Variants in ERBIN observed in about 807,000 individuals in gnomAD.
ERBIN encodes the protein densin-180-like protein.
Under a neutral mutation model 158.4 loss-of-function variants are expected in ERBIN, and 60 were observed. The observed-to-expected ratio is 0.38, with a 90% CI of 0.31 to 0.47. The LOEUF is 0.47. Ranked by LOEUF, ERBIN falls within the 20% of genes least tolerant of loss-of-function variation. The pLI is 0.99. For missense variants in ERBIN, 1,610 were observed against 1,648.0 expected, an observed-to-expected ratio of 0.98 and a Z score of 0.40; for synonymous variants, 594 against 557.2, an observed-to-expected ratio of 1.07 and a Z score of -0.93.
At chr5:65,969,282 T>C (rs935231848) in intron 1 of ERBIN, among the ~76,000 whole-genome samples, 2 of 152,350 alleles carry the variant, frequency 1.3e-5, no homozygotes, top group South Asian at 2.1e-4. Context: ...GTTACTCTTA[T>C]GTATCTTCAA....
intron 6 of ERBIN, among the ~76,000 whole-genome samples, 188 bp from the exon 7 acceptor site, chr5:66,014,481 C>T (rs986752450): frequency 6.6e-6 from 1 of 152,150 alleles, no homozygotes; most frequent in African/African-American, 2.4e-5. Context: ...TTCCTCTGAC[C>T]ACAATTTTGA....
At chr5:66,061,975 C>T (rs1223394568) in intron 21 of ERBIN, among the ~76,000 whole-genome samples, 1 of 152,220 alleles carries the variant, frequency 6.6e-6, no homozygotes, top group African/African-American at 2.4e-5. Flanking sequence ...CTGCCCTTAA[C>T]ATTTTTTCCT....
intron 4 of ERBIN, among the ~76,000 whole-genome samples, chr5:66,003,636 G>T (rs986313580): frequency 6.6e-6 from 1 of 152,062 alleles, no homozygotes; most frequent in Non-Finnish European, 1.5e-5. Flanking sequence ...ATGTGTTTTT[G>T]TCTTGATATA....
intron 1 of ERBIN, among the ~76,000 whole-genome samples, chr5:65,932,983 G>A (rs1169009269): frequency 2.0e-5 from 3 of 151,924 alleles, no homozygotes; most frequent in African/African-American, 7.3e-5. Context: ...TGTAGAGATG[G>A]GTTCTTGCTC....
At position 66,043,073 on chromosome 5, in the gene ERBIN, C is replaced by T. The variant is rs2151202337; in HGVS notation, c.1307-4C>T. The stretch of plus-strand genomic sequence containing the variant: ...GTAGGTTTTTGTTTTTTACTTTTCT[C>T]TAGTTATGTTTATATCAGATAATGA... On this transcript the variant is annotated splice_polypyrimidine_tract_variant and splice_region_variant and intron_variant, in intron 15 of 25. Coordinates refer to ENST00000284037, the MANE Select transcript of ERBIN (RefSeq NM_001253697.2). 1 of 1,576,730 alleles carries T rather than the reference C, an allele frequency of 6.3e-7. No homozygotes were observed. Among genetic ancestry groups the T allele is most frequent in the Non-Finnish European group, 8.6e-7 (1 of 1,158,438 alleles).
intron 1 of ERBIN, among the ~76,000 whole-genome samples, chr5:65,965,379 GTTGTTTTTTTTTTTTTTTTTTTTT>G (rs1580182238): frequency 1.1e-4 from 11 of 103,648 alleles, no homozygotes; most frequent in African/African-American, 1.9e-4. Flanking sequence ...TTTGTTTTTT[GTTGTTTTTTTTTTTTTTTTTTTTT>G]TTTTTTTTTT....
In ERBIN at chr5:66,072,296, G is replaced by C. The variant is rs1016673007; in HGVS notation, c.3756+5G>C. On this transcript the variant is annotated splice_donor_5th_base_variant and intron_variant, in intron 22 of 25. Coordinates refer to ENST00000284037, the MANE Select transcript of ERBIN (RefSeq NM_001253697.2). ...CCTCCAGACAGCTTGATGAAAGTGG[G>C]TGCTCGGGAAAACAAAATGTAGTAT... 2 of 1,549,494 alleles carry C rather than the reference G, an allele frequency of 1.3e-6. No individual in the cohort carries two copies. Among genetic ancestry groups the C allele is most frequent in the African/African-American group, 2.7e-5 (2 of 73,000 alleles).
intron 1 of ERBIN, among the ~76,000 whole-genome samples, chr5:65,953,138 T>TA (rs1712229855): frequency 6.6e-6 from 1 of 152,216 alleles, no homozygotes; most frequent in Non-Finnish European, 1.5e-5. Flanking sequence ...CACTGCTCGT[T>TA]ACTACAATTA....
chr5:65,965,026 A>G (rs1748402976), intron 1 of ERBIN, among the ~76,000 whole-genome samples: 1 of 149,124 alleles, frequency 6.7e-6, no homozygotes, highest in African/African-American at 2.5e-5. Context: ...CCTGACCTCA[A>G]GTGATCCTCC....
chr5:65,982,336 ACT>A lies in ERBIN; in HGVS notation c.-57-6294_-57-6293del, dbSNP rs4018978. Among the ~76,000 whole-genome samples the A allele has an allele frequency of 5.1e-3, 783 of 152,098 alleles. 9 individuals carry two copies. Among genetic ancestry groups the A allele is most frequent in the African/African-American group, 0.016 (671 of 41,482 alleles). ...ATCTTTTCTGGGGAGGGGAAGGTGG[ACT>A]CTCTGAATCTTGCTTAGTGTTATTA... On this transcript the variant is annotated intron_variant, in intron 1 of 25. Coordinates refer to ENST00000284037, the MANE Select transcript of ERBIN (RefSeq NM_001253697.2).
intron 21 of ERBIN, among the ~76,000 whole-genome samples, chr5:66,071,779 T>G (rs908674277): frequency 1.3e-5 from 2 of 151,918 alleles, no homozygotes. Flanking sequence ...ATGAGTGTGT[T>G]TTAGTTGGTC....
At chr5:65,927,304 T>G (rs1216876152) in intron 1 of ERBIN, among the ~76,000 whole-genome samples, 1 of 152,206 alleles carries the variant, frequency 6.6e-6, no homozygotes, top group Admixed American at 6.5e-5. Flanking sequence ...TTTTATTTTT[T>G]TATTTCCAAC....
At chr5:66,037,424 T>G (rs1273065023) in intron 14 of ERBIN, among the ~76,000 whole-genome samples, 1 of 152,134 alleles carries the variant, frequency 6.6e-6, no homozygotes, top group African/African-American at 2.4e-5. Flanking sequence ...TAGGAGAGAA[T>G]AAAACACCTG....
intron 22 of ERBIN, among the ~76,000 whole-genome samples, chr5:66,073,231 C>A (rs1761686702): frequency 6.6e-6 from 1 of 152,052 alleles, no homozygotes; most frequent in African/African-American, 2.4e-5. Context: ...CTGGATTTTA[C>A]CCAGGAGAAA....
chr5:65,987,458 A>T (rs1439161011), intron 1 of ERBIN, among the ~76,000 whole-genome samples: 2 of 151,812 alleles, frequency 1.3e-5, no homozygotes, highest in African/African-American at 2.4e-5. Context: ...GCCACTCAAG[A>T]GGCTAAGGCA....
At chr5:66,047,368 C>A (rs1337145855) in intron 18 of ERBIN, among the ~76,000 whole-genome samples, 2 of 152,008 alleles carry the variant, frequency 1.3e-5, no homozygotes, top group African/African-American at 4.8e-5. Flanking sequence ...TTCATCCATT[C>A]TTCAATTAAT....
chr5:66,037,446 T>C (rs547541547), intron 14 of ERBIN, among the ~76,000 whole-genome samples: 1 of 152,304 alleles, frequency 6.6e-6, no homozygotes, highest in South Asian at 2.1e-4. Flanking sequence ...ATTTGAGGCC[T>C]GAGAGAAGCA....
At chr5:65,985,229 AT>A (rs199909223) in intron 1 of ERBIN, among the ~76,000 whole-genome samples, 1 of 152,130 alleles carries the variant, frequency 6.6e-6, no homozygotes, top group East Asian at 1.9e-4. Context: ...GAGTACTGGG[AT>A]TACAGGTGCG....
intron 1 of ERBIN, among the ~76,000 whole-genome samples, chr5:65,950,845 A>G (rs1050136276): frequency 2.6e-5 from 4 of 151,928 alleles, no homozygotes; most frequent in African/African-American, 9.7e-5. Context: ...TCATTGGCAT[A>G]TGAAAGAGAA....
Sources: gnomAD v4.1 joint callset for allele counts (sites outside exome capture counted in the v4.1 genomes callset) on GRCh38, gnomAD v4.1.1 for gene constraint, MANE v1.5 for transcripts, NCBI Gene and HGNC (gene_info 2026-07-23, HGNC 2026-07-21) for gene names.